RALGAPB: variants seen among roughly 807,000 people sequenced by gnomAD.
The protein encoded by RALGAPB is ral GTPase-activating protein subunit beta.
In RALGAPB, 25 loss-of-function variants were observed where a neutral mutation model predicts 161.1. That is an observed-to-expected ratio of 0.16 (90% CI 0.11 to 0.22). The LOEUF is 0.22. Ranked by LOEUF, RALGAPB falls within the 10% of genes least tolerant of loss-of-function variation. The pLI, the probability that RALGAPB is intolerant of heterozygous loss-of-function variation, is 1.00. For missense variants in RALGAPB, 1,391 were observed against 1,815.2 expected (o/e 0.77, Z 4.25); for synonymous variants, 629 against 626.1 (o/e 1.00, Z -0.07).
At chr20:38,479,495 A>C (rs955261017) in intron 1 of RALGAPB, among the ~76,000 whole-genome samples, 9 of 152,184 alleles carry the variant, frequency 5.9e-5, no homozygotes, top group Non-Finnish European at 1.3e-4. Context: ...CCAAACTTGC[A>C]TGTTATTTTG....
intron 3 of RALGAPB, among the ~76,000 whole-genome samples, chr20:38,496,106 C>A (rs183500202): frequency 6.6e-6 from 1 of 152,122 alleles, no homozygotes; most frequent in African/African-American, 2.4e-5. Flanking sequence ...GGACTAGATC[C>A]ACCTTTACTA....
intron 1 of RALGAPB, among the ~76,000 whole-genome samples, chr20:38,476,827 T>C (rs762425693): frequency 3.3e-5 from 5 of 152,246 alleles, no homozygotes; most frequent in Non-Finnish European, 5.9e-5. Context: ...GAATATTTCA[T>C]GTAATTGATT....
intron 20 of RALGAPB, 31 bp downstream of exon 20, chr20:38,548,826 G>C: frequency 1.3e-6 from 2 of 1,532,816 alleles, no homozygotes; most frequent in Non-Finnish European, 1.8e-6. Context: ...GGAAGTGTGT[G>C]TGTGTTTTGT....
chr20:38,546,480 A>G, intron 19 of RALGAPB, 50 bp downstream of exon 19: 1 of 1,602,428 alleles, frequency 6.2e-7, no homozygotes, highest in Non-Finnish European at 8.5e-7. Context: ...CAGTGTTACC[A>G]GTACCATGAA....
chr20:38,505,596 C>CA (rs1365270767), intron 5 of RALGAPB, among the ~76,000 whole-genome samples: 2 of 152,074 alleles, frequency 1.3e-5, no homozygotes, highest in Non-Finnish European at 2.9e-5. Flanking sequence ...GGTGAAGGCA[C>CA]AGATAAATTA....
At chr20:38,551,298 G>A in intron 21 of RALGAPB, 75 bp downstream of exon 21, 2 of 1,483,338 alleles carry the variant, frequency 1.3e-6, no homozygotes, top group Non-Finnish European at 1.9e-6. Flanking sequence ...TCAAGACAAT[G>A]CTTTTAGTGT....
rs761599518 is a variant in RALGAPB, at chr20:38,488,432, G to A, written c.-1G>A. 5 of 1,611,238 alleles carry A rather than the reference G, an allele frequency of 3.1e-6. No homozygotes were observed. Among genetic ancestry groups the A allele is most frequent in the Middle Eastern group, 1.7e-4 (1 of 6,054 alleles). ...CATTTGGATTGTACTTTAGTGGCAC[G>A]ATGTACTCTGAGTGGAGGTCACTGC... On this transcript the variant is annotated 5_prime_UTR_variant, in exon 2 of 30. Coordinates refer to ENST00000262879, the MANE Select transcript of RALGAPB (RefSeq NM_020336.4).
rs6128358 is a variant in RALGAPB at position 38,531,963 on chromosome 20, A to T, written c.2115+732A>T. Among the ~76,000 whole-genome samples the T allele has an allele frequency of 1.1e-3, 165 of 152,356 alleles. 5 individuals are homozygous for T. The East Asian group carries it at 0.029, about 27-fold the overall frequency. ...ATTAGCCCCTATACATACGGGAGTT[A>T]AAACTAACCCTAGTATTGTTTGTGT... On this transcript the variant is annotated intron_variant, in intron 14 of 29. Coordinates refer to ENST00000262879, the MANE Select transcript of RALGAPB (RefSeq NM_020336.4).
At chr20:38,495,997 T>G (rs1180718508) in intron 3 of RALGAPB, among the ~76,000 whole-genome samples, 1 of 152,176 alleles carries the variant, frequency 6.6e-6, no homozygotes, top group Non-Finnish European at 1.5e-5. Flanking sequence ...GGCTTCCTCT[T>G]ATATTACTTG....
intron 5 of RALGAPB, among the ~76,000 whole-genome samples, chr20:38,506,024 A>G (rs2085751391): frequency 6.8e-6 from 1 of 146,656 alleles, no homozygotes; most frequent in Non-Finnish European, 1.5e-5. Context: ...ATTTCACAAA[A>G]TTCCAAAGAG....
chr20:38,526,809 A>C (rs2086486229), intron 13 of RALGAPB, among the ~76,000 whole-genome samples: 1 of 152,152 alleles, frequency 6.6e-6, no homozygotes, highest in African/African-American at 2.4e-5. Flanking sequence ...CTTCAGAGAG[A>C]CCCTGATGAA....
Position 38,488,504 on chromosome 20 carries a change from C to T in RALGAPB, c.72C>T (p.Ser24=). 2 of 1,614,202 alleles carry T rather than the reference C, an allele frequency of 1.2e-6. No homozygotes were observed. The highest frequency in any genetic ancestry group is 1.3e-5 in the African/African-American group (1 of 75,060). The change falls in exon 2 of 30, where the codon AGC becomes AGT. Residue 24 remains serine (S), a synonymous_variant. Transcript: ENST00000262879. ...NDQGHTSVLH[S]YPESVGREVA... ...AAGGCCATACCAGTGTGCTGCACAG[C>T]TATCCAGAGAGCGTTGGACGAGAGG...
chr20:38,494,337 A>C (rs906147665), intron 3 of RALGAPB, among the ~76,000 whole-genome samples: 1 of 152,218 alleles, frequency 6.6e-6, no homozygotes, highest in Admixed American at 6.5e-5. Context: ...ATGGAATTAA[A>C]AACAGGAAAT....
chr20:38,518,049 T>C (rs1180887625), intron 9 of RALGAPB, 49 bp downstream of exon 9: 1 of 1,527,822 alleles, frequency 6.5e-7, no homozygotes, highest in African/African-American at 1.4e-5. Context: ...TTTTCCTTTT[T>C]CTTTTTCTTT....
intron 21 of RALGAPB, 65 bp from the exon 22 acceptor site, chr20:38,553,798 AAAAC>A: frequency 9.8e-6 from 9 of 919,522 alleles, no homozygotes; most frequent in South Asian, 3.6e-5. Flanking sequence ...AAAAAAAAAA[AAAAC>A]ACTTAAGATT....
At chr20:38,491,038 G>T (rs2085265552) in intron 2 of RALGAPB, among the ~76,000 whole-genome samples, 1 of 152,204 alleles carries the variant, frequency 6.6e-6, no homozygotes, top group Admixed American at 6.5e-5. Flanking sequence ...ATGTCTTTTA[G>T]AATCTCTTCT....
At chr20:38,534,757 T>C (rs2086752954) in intron 15 of RALGAPB, among the ~76,000 whole-genome samples, 2 of 152,196 alleles carry the variant, frequency 1.3e-5, no homozygotes, top group Admixed American at 6.5e-5. Context: ...TTTTTGAAAA[T>C]GTAGCTATGA....
intron 2 of RALGAPB, among the ~76,000 whole-genome samples, chr20:38,489,413 A>G (rs544257453): frequency 5.9e-5 from 9 of 152,284 alleles, no homozygotes; most frequent in African/African-American, 2.2e-4. Flanking sequence ...TACTGTTTCT[A>G]AAGATAGGGG....
chr20:38,525,420 A>G lies in RALGAPB; in HGVS notation c.1804A>G (p.Lys602Glu), dbSNP rs2086429721. 1 of 1,593,098 alleles carries G rather than the reference A, an allele frequency of 6.3e-7. No individual in the cohort carries two copies. Among genetic ancestry groups the G allele is most frequent in the Non-Finnish European group, 8.5e-7 (1 of 1,173,276 alleles). The change falls in exon 12 of 30, where the codon AAA becomes GAA. Residue 602 changes from lysine (K) to glutamate (E), a missense_variant. This residue lies in a region of RALGAPB where 946 missense variants were observed against 1,257.2 expected (regional missense o/e 0.75). Coordinates refer to ENST00000262879, the MANE Select transcript of RALGAPB (RefSeq NM_020336.4). The stretch of plus-strand genomic sequence containing the variant: ...TTTTGGCAGAGAACTCTCAAAATTC[A>G]AAAGCTATGTAAATCCAACAGAATT... ...ILPDRELSKF[K>E]SYVNPTELRR...
Sources: allele counts gnomAD v4.1 joint callset (sites outside exome capture counted in the v4.1 genomes callset), GRCh38; gene constraint gnomAD v4.1.1; regional missense constraint gnomAD v4.1.1; transcripts MANE v1.5; gene names NCBI Gene and HGNC (gene_info 2026-07-23, HGNC 2026-07-21).